Variants in CLSTN2 observed in about 807,000 individuals in gnomAD.
The protein encoded by CLSTN2 is calsyntenin 2.
A neutral mutation model predicts 101.2 loss-of-function variants in CLSTN2; 48 were observed. The ratio of observed to expected loss-of-function variants is 0.47; its 90% CI spans 0.38 to 0.60. CLSTN2 has a LOEUF of 0.60. CLSTN2 is among the 20% of genes least tolerant of loss of function. The pLI, the probability that CLSTN2 is intolerant of heterozygous loss-of-function variation, is 0.00. For synonymous variants in CLSTN2, 481 were observed against 463.6 expected, an observed-to-expected ratio of 1.04 and a Z score of -0.48; for missense variants, 1,160 against 1,238.2, an observed-to-expected ratio of 0.94 and a Z score of 0.95.
intron 4 of CLSTN2, among the ~76,000 whole-genome samples, chr3:140,419,992 A>G (rs1010203022): frequency 6.7e-5 from 10 of 149,766 alleles, no homozygotes; most frequent in African/African-American, 2.5e-4. Flanking sequence ...TTCCAGGTTC[A>G]AACAATTCTC....
In CLSTN2 at chr3:140,240,305, T is replaced by TATATACAC. The variant is rs2086456178; in HGVS notation, c.232+64233_232+64234insTATACACA. ...ATACATATATACACATATATATATA[T>TATATACAC]ACACACACACACACATACACATACA... On this transcript the variant is annotated intron_variant, in intron 2 of 16. Transcript: ENST00000458420. 7.7e-5 allele frequency among the ~76,000 whole-genome samples: 11 copies of TATATACAC among 143,346 alleles called. No homozygotes were observed. The Admixed American group carries it at 8.0e-4, about 10-fold the overall frequency. 94.0% of individuals were successfully genotyped at this position (143,346 alleles called of 152,430 possible). A position where few individuals can be genotyped will look rare whatever the true frequency, so the allele number is the denominator to read the frequency against.
intron 1 of CLSTN2, among the ~76,000 whole-genome samples, chr3:139,986,454 T>C (rs1383027779): frequency 6.6e-6 from 1 of 152,144 alleles, no homozygotes; most frequent in Non-Finnish European, 1.5e-5. Flanking sequence ...TTCTAACATT[T>C]GGGTGTCTGT....
intron 2 of CLSTN2, among the ~76,000 whole-genome samples, chr3:140,226,572 AT>A (rs1235906151): frequency 6.6e-6 from 1 of 152,182 alleles, no homozygotes; most frequent in African/African-American, 2.4e-5. Context: ...CATATTTGAA[AT>A]TTTTTATAAT....
chr3:140,450,734 A>ATACACACG (rs1933226353), intron 6 of CLSTN2, among the ~76,000 whole-genome samples: 1 of 152,118 alleles, frequency 6.6e-6, no homozygotes, highest in Non-Finnish European at 1.5e-5. Flanking sequence ...ACATACACAC[A>ATACACACG]CATACACACA....
chr3:139,948,623 G>T (rs1935247964), intron 1 of CLSTN2, among the ~76,000 whole-genome samples: 1 of 152,152 alleles, frequency 6.6e-6, no homozygotes, highest in African/African-American at 2.4e-5. Context: ...GAGGTGACTT[G>T]CTTTGAAGTG....
chr3:140,340,900 C>T (rs2087485360), intron 2 of CLSTN2, among the ~76,000 whole-genome samples: 1 of 152,094 alleles, frequency 6.6e-6, no homozygotes, highest in Non-Finnish European at 1.5e-5. Flanking sequence ...CGAAGAATGC[C>T]CCTCAACTGG....
At chr3:140,013,581 A>G (rs984547101) in intron 1 of CLSTN2, among the ~76,000 whole-genome samples, 14 of 152,214 alleles carry the variant, frequency 9.2e-5, no homozygotes, top group Non-Finnish European at 1.9e-4. Context: ...TATAAACTGC[A>G]TATATGAACA....
At chr3:140,392,865 A>G (rs927519229) in intron 2 of CLSTN2, among the ~76,000 whole-genome samples, 1 of 151,848 alleles carries the variant, frequency 6.6e-6, no homozygotes, top group African/African-American at 2.4e-5. Flanking sequence ...TTTTACAGTT[A>G]TGGAGGGTGA....
chr3:140,129,967 A>G (rs1185572846), intron 1 of CLSTN2, among the ~76,000 whole-genome samples: 1 of 152,182 alleles, frequency 6.6e-6, no homozygotes, highest in African/African-American at 2.4e-5. Flanking sequence ...CTGGAAAGTA[A>G]ACTGCCTGAT....
chr3:140,398,605 G>A (rs1403291924), intron 2 of CLSTN2, among the ~76,000 whole-genome samples: 1 of 152,174 alleles, frequency 6.6e-6, no homozygotes, highest in Non-Finnish European at 1.5e-5. Flanking sequence ...CACTCACCCA[G>A]TAAGTGATAA....
At chr3:140,419,919 G>C (rs1469076949) in intron 4 of CLSTN2, among the ~76,000 whole-genome samples, 1 of 144,284 alleles carries the variant, frequency 6.9e-6, no homozygotes, top group Non-Finnish European at 1.5e-5. Context: ...TTTTCAGACA[G>C]TCTTGCTCTG....
In CLSTN2 at chr3:140,240,293, CAT is replaced by C. The variant is rs1175836591; in HGVS notation, c.232+64232_232+64233del. Among the ~76,000 whole-genome samples, 63 of 11,362 alleles carry C rather than the reference CAT, an allele frequency of 5.5e-3. No homozygotes were observed. In the South Asian group the frequency reaches 0.1, roughly 18 times the overall value. 7.5% of individuals were successfully genotyped at this position (11,362 alleles called of 152,430 possible). On this transcript the variant is annotated intron_variant, in intron 2 of 16. Transcript: ENST00000458420. ...ATATACACATATATACATATATACA[CAT>C]ATATATATATACACACACACACACA...
chr3:140,034,665 A>G (rs1372100824), intron 1 of CLSTN2, among the ~76,000 whole-genome samples: 1 of 152,168 alleles, frequency 6.6e-6, no homozygotes, highest in Non-Finnish European at 1.5e-5. Flanking sequence ...GCTCTGGGAG[A>G]GTGAGAAGCA....
chr3:139,994,680 G>A (rs1343085026), intron 1 of CLSTN2, among the ~76,000 whole-genome samples: 1 of 152,118 alleles, frequency 6.6e-6, no homozygotes, highest in Non-Finnish European at 1.5e-5. Context: ...CTCTGATCCT[G>A]TTTAATGCTT....
At chr3:140,207,498 C>T (rs1467499220) in intron 2 of CLSTN2, among the ~76,000 whole-genome samples, 1 of 152,152 alleles carries the variant, frequency 6.6e-6, no homozygotes, top group Non-Finnish European at 1.5e-5. Flanking sequence ...AGTAATAATG[C>T]TTTCCTCAGG....
intron 8 of CLSTN2, among the ~76,000 whole-genome samples, chr3:140,482,160 CGTT>C (rs1934131875): frequency 6.6e-6 from 1 of 151,990 alleles, no homozygotes; most frequent in African/African-American, 2.4e-5. Flanking sequence ...CAGCATGAAG[CGTT>C]GTTGAATTTT....
chr3:140,406,260 G>T, intron 4 of CLSTN2, among the ~76,000 whole-genome samples: 1 of 152,138 alleles, frequency 6.6e-6, no homozygotes, highest in East Asian at 1.9e-4. Flanking sequence ...CTGAGACTGC[G>T]GCAGATGCCA....
intron 8 of CLSTN2, among the ~76,000 whole-genome samples, chr3:140,483,028 T>G (rs1379203152): frequency 6.6e-6 from 1 of 152,244 alleles, no homozygotes; most frequent in Non-Finnish European, 1.5e-5. Context: ...CTTTTAATTG[T>G]GATGTTAGGG....
chr3:140,352,741 CT>C (rs149909433), intron 2 of CLSTN2, among the ~76,000 whole-genome samples: 3 of 151,972 alleles, frequency 2.0e-5, no homozygotes, highest in African/African-American at 4.8e-5. Context: ...ATTTCTGGGA[CT>C]TTTTTTTCTC....
Sources: gnomAD v4.1 joint callset for allele counts (sites outside exome capture counted in the v4.1 genomes callset) on GRCh38, gnomAD v4.1.1 for gene constraint, MANE v1.5 for transcripts, NCBI Gene and HGNC (gene_info 2026-07-23, HGNC 2026-07-21) for gene names.